The following CAST variants were observed in gnomAD, a reference collection of about 807,000 sequenced individuals.
The protein encoded by CAST is calpastatin.
In CAST, 76 loss-of-function variants were observed where a neutral mutation model predicts 119.6. The observed-to-expected ratio is 0.64, with a 90% CI of 0.53 to 0.77. The LOEUF (loss-of-function observed/expected upper bound fraction) is 0.77. Among genes scored for constraint, CAST ranks in the 30% least tolerant of loss-of-function variants. CAST has a pLI of 0.00. For missense variants in CAST, 953 were observed against 946.5 expected (o/e 1.01, Z -0.09); for synonymous variants, 319 against 331.6 (o/e 0.96, Z 0.41).
the CAST span, among the ~76,000 whole-genome samples, chr5:96,449,513 G>C: frequency 6.6e-6 from 1 of 152,110 alleles, no homozygotes; most frequent in African/African-American, 2.4e-5. Context: ...TCAGTCCCTG[G>C]TGCCAAAAAT....
the CAST span, among the ~76,000 whole-genome samples, chr5:96,267,580 T>A: frequency 6.6e-6 from 1 of 152,130 alleles, no homozygotes; most frequent in East Asian, 1.9e-4. Flanking sequence ...AGCAAAGCTA[T>A]CCTTCAAATA....
the CAST span, among the ~76,000 whole-genome samples, chr5:96,188,960 C>T: frequency 7.1e-3 from 1,073 of 152,144 alleles, 11 homozygotes; most frequent in African/African-American, 0.025. Context: ...ATTTTAATTT[C>T]CATTTCTTTT....
At chr5:96,330,826 C>A in the CAST span, among the ~76,000 whole-genome samples, 1 of 152,010 alleles carries the variant, frequency 6.6e-6, no homozygotes, top group Non-Finnish European at 1.5e-5. Flanking sequence ...GAGAAGGTAG[C>A]CCATTATGTA....
At chr5:96,207,229 G>T in the CAST span, among the ~76,000 whole-genome samples, 1 of 151,990 alleles carries the variant, frequency 6.6e-6, no homozygotes, top group South Asian at 2.1e-4. Flanking sequence ...TCTCAGTATA[G>T]AATCATATCA....
the CAST span, among the ~76,000 whole-genome samples, chr5:96,368,498 T>C: frequency 2.9e-4 from 39 of 132,216 alleles, no homozygotes; most frequent in Non-Finnish European, 8.2e-5. Flanking sequence ...TGAAACTCCA[T>C]CTAAAAAAAA....
At chr5:96,667,876 G>T (rs562549336) in intron 1 of CAST, among the ~76,000 whole-genome samples, 1 of 152,144 alleles carries the variant, frequency 6.6e-6, no homozygotes, top group Admixed American at 6.5e-5. Flanking sequence ...TTAGCTGGGC[G>T]TGGTGGCAGG....
At chr5:96,337,805 C>A in the CAST span, among the ~76,000 whole-genome samples, 1 of 152,208 alleles carries the variant, frequency 6.6e-6, no homozygotes, top group African/African-American at 2.4e-5. Flanking sequence ...GACATCAAAT[C>A]AATGGTTTTA....
the CAST span, among the ~76,000 whole-genome samples, chr5:95,968,221 A>G: frequency 6.6e-6 from 1 of 152,202 alleles, no homozygotes; most frequent in Non-Finnish European, 1.5e-5. Context: ...CTCTTTCCAC[A>G]CAAACACCCA....
intron 1 of CAST, among the ~76,000 whole-genome samples, chr5:96,563,032 C>G (rs1375400244): frequency 6.6e-6 from 1 of 152,146 alleles, no homozygotes; most frequent in African/African-American, 2.4e-5. Flanking sequence ...ATGAGAGGTG[C>G]CCTCCCTATA....
chr5:96,747,256 A>G, intron 17 of CAST, 89 bp from the exon 18 acceptor site: 1 of 724,386 alleles, frequency 1.4e-6, no homozygotes, highest in Non-Finnish European at 2.5e-6. Flanking sequence ...CTGACATTTC[A>G]TATCCTGGAA....
At chr5:96,221,273 C>G in the CAST span, among the ~76,000 whole-genome samples, 1 of 151,976 alleles carries the variant, frequency 6.6e-6, no homozygotes, top group Middle Eastern at 3.2e-3. Flanking sequence ...CCAGAGCAAT[C>G]AGGCAAGAGA....
At chr5:96,019,861 C>G in the CAST span, among the ~76,000 whole-genome samples, 1 of 152,086 alleles carries the variant, frequency 6.6e-6, no homozygotes, top group Non-Finnish European at 1.5e-5. Context: ...TTTCTTAGAT[C>G]AGAACTTTAA....
At chr5:96,686,159 T>C (rs1014164957) in intron 2 of CAST, among the ~76,000 whole-genome samples, 1 of 133,576 alleles carries the variant, frequency 7.5e-6, no homozygotes, top group African/African-American at 3.2e-5. Flanking sequence ...TTTAGATCTT[T>C]TGATTATTCC....
At chr5:96,111,475 A>G in the CAST span, among the ~76,000 whole-genome samples, 14 of 152,302 alleles carry the variant, frequency 9.2e-5, no homozygotes, top group African/African-American at 3.1e-4. Flanking sequence ...CCCTCCCCAG[A>G]TGGGGCTGAA....
the CAST span, among the ~76,000 whole-genome samples, chr5:96,067,189 TA>T: frequency 3.3e-5 from 5 of 152,176 alleles, no homozygotes; most frequent in East Asian, 1.9e-4. Context: ...AAATAGGTAA[TA>T]GGGGTATTAT....
the CAST span, among the ~76,000 whole-genome samples, chr5:96,288,486 G>A: frequency 2.6e-5 from 4 of 152,118 alleles, no homozygotes; most frequent in Non-Finnish European, 4.4e-5. Context: ...TTTCTGAGCA[G>A]TGACACGGCA....
chr5:96,244,053 T>C, the CAST span, among the ~76,000 whole-genome samples: 1 of 152,342 alleles, frequency 6.6e-6, no homozygotes, highest in East Asian at 1.9e-4. Flanking sequence ...GGTTAGAAAG[T>C]GGCTAGAGTT....
chr5:96,041,246 T>C, the CAST span, among the ~76,000 whole-genome samples: 5 of 152,220 alleles, frequency 3.3e-5, no homozygotes, highest in East Asian at 9.6e-4. Flanking sequence ...ACAGTATATA[T>C]TCTTGATTAG....
chr5:96,560,772 A>T (rs913490963), intron 1 of CAST, among the ~76,000 whole-genome samples: 16 of 152,158 alleles, frequency 1.1e-4, no homozygotes, highest in African/African-American at 3.9e-4. Context: ...AACTAGTTCA[A>T]CCATTGTGGA....
Sources: allele counts gnomAD v4.1 joint callset (sites outside exome capture counted in the v4.1 genomes callset), GRCh38; gene constraint gnomAD v4.1.1; transcripts MANE v1.5; gene names NCBI Gene and HGNC (gene_info 2026-07-23, HGNC 2026-07-21).